Variants in ANK2 observed in about 807,000 individuals in gnomAD.
ANK2 encodes the protein ankyrin 2, also known as ankyrin-2.
ANK2 carries 83 observed loss-of-function variants against 360.5 expected under a neutral mutation model. That is an observed-to-expected ratio of 0.23 (90% CI 0.19 to 0.28). The LOEUF is 0.28. Among genes scored for constraint, ANK2 ranks in the 10% least tolerant of loss-of-function variants. The probability of loss-of-function intolerance (pLI) is 1.00; values close to 1 mark genes in which losing one functional copy is unlikely to be tolerated. For missense variants in ANK2, 4,201 were observed against 4,795.7 expected, an observed-to-expected ratio of 0.88 and a Z score of 3.66; for synonymous variants, 1,740 against 1,759.5, an observed-to-expected ratio of 0.99 and a Z score of 0.28.
chr4:113,097,604 A>C (rs12645686), intron 1 of ANK2, among the ~76,000 whole-genome samples: 1 of 151,824 alleles, frequency 6.6e-6, no homozygotes, highest in Non-Finnish European at 1.5e-5. Flanking sequence ...GAAGCACTGT[A>C]TAAATGAAAA....
the ANK2 span, among the ~76,000 whole-genome samples, chr4:112,804,277 C>G: frequency 1.3e-5 from 2 of 152,190 alleles, no homozygotes; most frequent in Non-Finnish European, 2.9e-5. Flanking sequence ...ACCTCGGCCT[C>G]CCAAAGTGCT....
chr4:112,909,722 T>C (rs899392092), intron 2 of ANK2, among the ~76,000 whole-genome samples: 3 of 152,230 alleles, frequency 2.0e-5, no homozygotes, highest in African/African-American at 2.4e-5. Flanking sequence ...AGCGTTTCTG[T>C]ACCCTACCTG....
chr4:113,158,501 GAAAAA>G (rs201376958), intron 1 of ANK2, among the ~76,000 whole-genome samples: 2 of 149,706 alleles, frequency 1.3e-5, no homozygotes, highest in African/African-American at 4.9e-5. Flanking sequence ...TATCATATGT[GAAAAA>G]AAAATAAACC....
At chr4:112,886,566 G>A (rs1373297685) in intron 1 of ANK2, among the ~76,000 whole-genome samples, 1 of 152,140 alleles carries the variant, frequency 6.6e-6, no homozygotes. Flanking sequence ...GGAAGCTGAG[G>A]CAGGAGAATC....
At chr4:113,302,927 T>G in intron 23 of ANK2, 88 bp downstream of exon 23, 1 of 1,113,070 alleles carries the variant, frequency 9.0e-7, no homozygotes, top group Non-Finnish European at 1.4e-6. Context: ...AAGCTGGTTA[T>G]GTGGATGACA....
chr4:112,958,777 T>C (rs974187293), intron 2 of ANK2, among the ~76,000 whole-genome samples: 4 of 152,212 alleles, frequency 2.6e-5, no homozygotes, highest in African/African-American at 9.6e-5. Context: ...TTATTCCTTC[T>C]CAATGATAAT....
the ANK2 span, among the ~76,000 whole-genome samples, chr4:112,746,041 A>C: frequency 1.3e-5 from 2 of 151,588 alleles, no homozygotes; most frequent in Non-Finnish European, 2.9e-5. Flanking sequence ...CTCACCTACC[A>C]TCCCCTTCTA....
At chr4:113,077,188 T>C (rs1215061412) in intron 1 of ANK2, among the ~76,000 whole-genome samples, 1 of 151,188 alleles carries the variant, frequency 6.6e-6, no homozygotes. Flanking sequence ...GTCATTTAAA[T>C]TAATATTTTT....
chr4:112,746,385 C>T, the ANK2 span, among the ~76,000 whole-genome samples: 3 of 151,184 alleles, frequency 2.0e-5, no homozygotes, highest in Non-Finnish European at 4.4e-5. Context: ...TTAGAAAATC[C>T]CTAACCCAGG....
the ANK2 span, among the ~76,000 whole-genome samples, chr4:112,799,737 G>C: frequency 6.6e-6 from 1 of 150,502 alleles, no homozygotes; most frequent in Non-Finnish European, 1.5e-5. Flanking sequence ...GGCTGGTCTT[G>C]TAACTCTTGC....
chr4:112,819,022 T>C lies in ANK2; in HGVS notation c.-40+758T>C, dbSNP rs971871201. Among the ~76,000 whole-genome samples the C allele has an allele frequency of 7.2e-5, 11 of 152,214 alleles. 1 individual carries two copies. The highest frequency in any genetic ancestry group is 3.3e-4 in the Admixed American group (5 of 15,274). Reference sequence around the variant, plus strand: ...GTTCTTTGGCTTGGTTTTTATTTTTTATTCCTAAAAAGCACCACATTCCCA... The same window carrying C: ...GTTCTTTGGCTTGGTTTTTATTTTTCATTCCTAAAAAGCACCACATTCCCA... On this transcript the variant is annotated intron_variant, in intron 1 of 30. Coordinates refer to the ANK2 transcript ENST00000503271.
intron 1 of ANK2, among the ~76,000 whole-genome samples, chr4:113,126,734 C>A (rs555172616): frequency 6.6e-6 from 1 of 152,160 alleles, no homozygotes; most frequent in East Asian, 1.9e-4. Context: ...AACACATTAT[C>A]GAATATAAGG....
intron 4 of ANK2, among the ~76,000 whole-genome samples, chr4:113,205,261 T>C (rs1394556013): frequency 7.4e-6 from 1 of 135,790 alleles, no homozygotes; most frequent in Non-Finnish European, 1.6e-5. Context: ...AAAAAAAGAC[T>C]TAAATATAAT....
chr4:112,706,959 A>AT, the ANK2 span: 2 of 151,944 alleles, frequency 1.3e-5, no homozygotes, highest in African/African-American at 2.4e-5. Context: ...TGGTATCTAG[A>AT]TTTTTTCCCC....
chr4:112,973,232 C>T (rs1429908570), intron 2 of ANK2, among the ~76,000 whole-genome samples: 1 of 150,272 alleles, frequency 6.7e-6, no homozygotes, highest in Non-Finnish European at 1.5e-5. Context: ...GTAACCTTAA[C>T]CTCAGAGATT....
chr4:113,232,074 C>G, intron 4 of ANK2, 87 bp from the exon 5 acceptor site: 2 of 906,842 alleles, frequency 2.2e-6, no homozygotes, highest in Non-Finnish European at 3.7e-6. Flanking sequence ...AGTATTTTAC[C>G]TATCTTCCCT....
Position 113,316,297 on chromosome 4 carries a change from T to C in ANK2, c.2694-1410T>C, listed in dbSNP as rs374107511. Among the ~76,000 whole-genome samples the C allele has an allele frequency of 2.0e-4, 30 of 152,358 alleles. No homozygotes were observed. The East Asian group carries it at 3.7e-3, about 19-fold the overall frequency. ...CAAGGATCAGACAATCAACTCTTTT[T>C]ATTCATGTCATTTACCCTTTAAGAC... On this transcript the variant is annotated intron_variant, in intron 24 of 45. Transcript: ENST00000357077.
At chr4:112,846,689 T>C (rs1214384791) in intron 1 of ANK2, among the ~76,000 whole-genome samples, 1 of 152,194 alleles carries the variant, frequency 6.6e-6, no homozygotes, top group African/African-American at 2.4e-5. Flanking sequence ...TTTAAGTTTC[T>C]TTTCTTCTTT....
intron 1 of ANK2, among the ~76,000 whole-genome samples, chr4:113,106,214 T>C (rs997747695): frequency 5.9e-5 from 9 of 152,196 alleles, no homozygotes; most frequent in African/African-American, 1.9e-4. Context: ...TGAAGACTTT[T>C]AAATCCTCAA....
Sources: gnomAD v4.1 joint callset for allele counts (sites outside exome capture counted in the v4.1 genomes callset) on GRCh38, gnomAD v4.1.1 for gene constraint, MANE v1.5 for transcripts, NCBI Gene and HGNC (gene_info 2026-07-23, HGNC 2026-07-21) for gene names.